Variants in IARS1 observed in about 807,000 individuals in gnomAD.
IARS1 encodes isoleucine--tRNA ligase, cytoplasmic.
A neutral mutation model predicts 168.2 loss-of-function variants in IARS1; 124 were observed. The observed-to-expected ratio is 0.74, with a 90% confidence interval of 0.64 to 0.86. The LOEUF (loss-of-function observed/expected upper bound fraction) is 0.86. Among genes scored for constraint, IARS1 ranks in the 40% least tolerant of loss-of-function variants. The probability of loss-of-function intolerance (pLI) is 0.00; values close to 1 mark genes in which losing one functional copy is unlikely to be tolerated. For missense variants in IARS1, 1,452 were observed against 1,515.8 expected (o/e 0.96, Z 0.70); for synonymous variants, 532 against 529.4 (o/e 1.00, Z -0.07).
chr9:92,279,328 G>A (rs1265388013), intron 7 of IARS1, among the ~76,000 whole-genome samples: 1 of 152,154 alleles, frequency 6.6e-6, no homozygotes, highest in Non-Finnish European at 1.5e-5. Context: ...AGGTAGATGG[G>A]TGATGTGTTT....
chr9:92,290,668 G>A lies in IARS1; in HGVS notation c.-7-1242C>T, dbSNP rs563197181. 3.9e-5 allele frequency among the ~76,000 whole-genome samples: 6 copies of A among 152,144 alleles called. No homozygotes were observed. In the East Asian group the frequency reaches 5.8e-4, roughly 15 times the overall value. On this transcript the variant is annotated intron_variant, in intron 1 of 33. Coordinates refer to ENST00000443024, the MANE Select transcript of IARS1 (RefSeq NM_002161.6). ...TTAGGCCACAAATAATTTTATTTTCGTATATGGTGTGAGGGAGGGGTACAT... is the reference window on the plus strand; with the variant it reads ...TTAGGCCACAAATAATTTTATTTTCATATATGGTGTGAGGGAGGGGTACAT...
chr9:92,256,589 A>C (rs1347392153), intron 20 of IARS1, 91 bp downstream of exon 20: 9 of 1,230,744 alleles, frequency 7.3e-6, no homozygotes, highest in Non-Finnish European at 1.0e-5. Flanking sequence ...AATTTTCTGT[A>C]TCTCTCAATA....
Position 92,251,716 on chromosome 9 carries a change from C to A in IARS1, c.2307+92G>T. ...TATATCTATTTTTGGCAGAATAATA[C>A]AGAATGGATATAAATGGAGGATGCT... On this transcript the variant is annotated intron_variant, in intron 22 of 33. Transcript: ENST00000443024. 7.1e-6 allele frequency: 6 copies of A among 843,112 alleles called. No homozygotes were observed. In the Admixed American group the frequency reaches 1.3e-4, roughly 18 times the overall value. The allele number at this position is 843,112 out of a possible 1,614,324, so 52.2% of individuals were successfully genotyped here.
chr9:92,257,090 GA>G (rs1830836292), intron 19 of IARS1, among the ~76,000 whole-genome samples: 1 of 152,180 alleles, frequency 6.6e-6, no homozygotes, highest in African/African-American at 2.4e-5. Context: ...AATCTTGTCA[GA>G]AAAGTGTAGG....
At position 92,216,919 on chromosome 9, in the gene IARS1, G is replaced by A. The variant is rs1177262574; in HGVS notation, c.3706+5601C>T. On this transcript the variant is annotated intron_variant, in intron 33 of 33. Coordinates refer to ENST00000443024, the MANE Select transcript of IARS1 (RefSeq NM_002161.6). ...AATTGAACTCAGCTCTGCACCAAGC[G>A]GACCTAGTAGACATCTACAGAACTC... Among the ~76,000 whole-genome samples, 46 of 150,978 alleles carry A rather than the reference G, an allele frequency of 3.0e-4. 1 individual carries two copies. Among genetic ancestry groups the A allele is most frequent in the South Asian group, 6.5e-4 (3 of 4,598 alleles).
chr9:92,224,133 T>C (rs1410149868), intron 31 of IARS1, among the ~76,000 whole-genome samples: 1 of 152,214 alleles, frequency 6.6e-6, no homozygotes, highest in Admixed American at 6.5e-5. Context: ...GTCTCTTCTC[T>C]CAACCACAGG....
intron 31 of IARS1, among the ~76,000 whole-genome samples, chr9:92,227,821 G>A (rs1414128308): frequency 1.3e-5 from 2 of 151,252 alleles, no homozygotes; most frequent in African/African-American, 4.9e-5. Flanking sequence ...ATGGGATGGC[G>A]GCCGGGCAGA....
chr9:92,237,620 T>C (rs1308718163), intron 30 of IARS1, among the ~76,000 whole-genome samples: 3 of 152,356 alleles, frequency 2.0e-5, no homozygotes, highest in East Asian at 1.9e-4. Flanking sequence ...TTTTATTTCA[T>C]GTATTTTGTA....
chr9:92,271,122 C>T, intron 11 of IARS1, 46 bp from the exon 12 acceptor site: 1 of 1,170,370 alleles, frequency 8.5e-7, no homozygotes, highest in South Asian at 1.5e-5. Flanking sequence ...TACTATAATA[C>T]TTAGGAACAA....
In IARS1 at chr9:92,262,971, T is replaced by C. The variant is rs778822239; in HGVS notation, c.1785A>G (p.Ala595=). The change falls in exon 17 of 34, where the codon GCA becomes GCG. Residue 595 remains alanine, a splice_region_variant and synonymous_variant. Transcript: ENST00000443024. ...KNVIVNGLVL[A]SDGQKMSKRK... Reference sequence around the variant, plus strand: ...TCACTACAACAAAGTTGACCTACCTTGCCAGGACAAGCCCATTCACAATTA... The same window carrying C: ...TCACTACAACAAAGTTGACCTACCTCGCCAGGACAAGCCCATTCACAATTA... 1 of 1,612,896 alleles carries C rather than the reference T, an allele frequency of 6.2e-7. No individual in the cohort carries two copies. The highest frequency in any genetic ancestry group is 8.5e-7 in the Non-Finnish European group (1 of 1,178,970).
chr9:92,274,559 T>C lies in IARS1; in HGVS notation c.895-38A>G, dbSNP rs935434022. The C allele has an allele frequency of 2.1e-6, 3 of 1,400,674 alleles. No homozygotes were observed. In the African/African-American group the frequency reaches 4.2e-5, roughly 20 times the overall value. 86.8% of individuals were successfully genotyped at this position (1,400,674 alleles called of 1,614,324 possible). The stretch of plus-strand genomic sequence containing the variant: ...GACAGCAGGCTTCAGGGATGAAACA[T>C]TACTGTGTTACAACGTTAACTTTGT... On this transcript the variant is annotated intron_variant, in intron 9 of 33. Coordinates refer to ENST00000443024, the MANE Select transcript of IARS1 (RefSeq NM_002161.6).
At chr9:92,215,884 G>A (rs1453052823) in intron 33 of IARS1, among the ~76,000 whole-genome samples, 12 of 152,062 alleles carry the variant, frequency 7.9e-5, no homozygotes, top group African/African-American at 1.2e-4. Flanking sequence ...CCTATCTAGC[G>A]AGGCAGGCCA....
chr9:92,230,026 T>C (rs923192372), intron 30 of IARS1, among the ~76,000 whole-genome samples: 2 of 152,186 alleles, frequency 1.3e-5, no homozygotes, highest in Admixed American at 6.6e-5. Context: ...ATTTCTATAA[T>C]CTTATCATTT....
chr9:92,273,266 A>T (rs1200322950), intron 10 of IARS1, among the ~76,000 whole-genome samples: 1 of 152,210 alleles, frequency 6.6e-6, no homozygotes. Flanking sequence ...ACTAGTTCCT[A>T]AAACTCTTAA....
chr9:92,213,158 G>A (rs1467867797), intron 33 of IARS1, among the ~76,000 whole-genome samples: 3 of 151,926 alleles, frequency 2.0e-5, no homozygotes, highest in East Asian at 3.9e-4. Flanking sequence ...GGAAGAAAAC[G>A]GGAGAATTAC....
At chr9:92,251,408 TC>T (rs1829995593) in intron 22 of IARS1, among the ~76,000 whole-genome samples, 1 of 152,242 alleles carries the variant, frequency 6.6e-6, no homozygotes, top group Non-Finnish European at 1.5e-5. Flanking sequence ...CGTTTTCCTC[TC>T]AATGCTAAGT....
At chr9:92,211,257 A>G (rs994733950) in intron 33 of IARS1, among the ~76,000 whole-genome samples, 2 of 152,210 alleles carry the variant, frequency 1.3e-5, no homozygotes, top group African/African-American at 4.8e-5. Context: ...ACTGGACACC[A>G]AGGCTCGAGT....
intron 27 of IARS1, 30 bp from the exon 28 acceptor site, chr9:92,243,341 A>G: frequency 6.9e-7 from 1 of 1,459,516 alleles, no homozygotes; most frequent in Non-Finnish European, 9.6e-7. Flanking sequence ...ACACCATGAC[A>G]ATCAAATAAG....
chr9:92,277,847 C>T lies in IARS1; in HGVS notation c.894+16G>A, dbSNP rs372448374. On this transcript the variant is annotated intron_variant, in intron 9 of 33. Transcript: ENST00000443024. Reference sequence around the variant, plus strand: ...AGATTGTGGAGAGCGCCCACAGTAGCGGTCCCTAAGCTTACCTTCAGGAAA... The same window carrying T: ...AGATTGTGGAGAGCGCCCACAGTAGTGGTCCCTAAGCTTACCTTCAGGAAA... The T allele has an allele frequency of 1.3e-4, 213 of 1,608,632 alleles. No homozygotes were observed. Among genetic ancestry groups the T allele is most frequent in the Non-Finnish European group, 1.7e-4 (201 of 1,176,086 alleles).
Sources: allele counts gnomAD v4.1 joint callset (sites outside exome capture counted in the v4.1 genomes callset), GRCh38; gene constraint gnomAD v4.1.1; transcripts MANE v1.5; gene names NCBI Gene and HGNC (gene_info 2026-07-23, HGNC 2026-07-21).